The following SLC24A4 variants were observed in gnomAD, a reference collection of about 807,000 sequenced individuals.
The protein encoded by SLC24A4 is sodium/potassium/calcium exchanger 4.
Under a neutral mutation model 79.0 loss-of-function variants are expected in SLC24A4, and 53 were observed. The observed-to-expected ratio is 0.67, with a 90% CI of 0.54 to 0.84. The LOEUF (loss-of-function observed/expected upper bound fraction) is 0.84. Among genes scored for constraint, SLC24A4 ranks in the 40% least tolerant of loss-of-function variants. The probability of loss-of-function intolerance (pLI) is 0.00; values close to 1 mark genes in which losing one functional copy is unlikely to be tolerated. For synonymous variants in SLC24A4, 323 were observed against 323.8 expected (o/e 1.00, Z 0.03); for missense variants, 731 against 822.0 (o/e 0.89, Z 1.35).
chr14:92,362,262 C>T (rs955418775), intron 2 of SLC24A4, among the ~76,000 whole-genome samples: 27 of 151,952 alleles, frequency 1.8e-4, no homozygotes, highest in African/African-American at 5.3e-4. Context: ...TTTGGGGTCT[C>T]TGGAGAGCCT....
At chr14:92,372,979 CCCT>C (rs1888281220) in intron 2 of SLC24A4, among the ~76,000 whole-genome samples, 4 of 140,848 alleles carry the variant, frequency 2.8e-5, no homozygotes, top group African/African-American at 1.0e-4. Context: ...CTCCCCCCCT[CCCT>C]CTCCCTCTCT....
In SLC24A4 at chr14:92,492,216, G is replaced by C. The variant is rs975869396; in HGVS notation, c.1692G>C (p.Leu564=). Residue 564 remains leucine, a synonymous_variant, in exon 16 of 17, where the codon CTG becomes CTC. Coordinates refer to ENST00000532405, the MANE Select transcript of SLC24A4 (RefSeq NM_153646.4). ...GGGGGCTGGTCTATTCCGTGGTCCT[G>C]TTGCTGGGCTCTGTCGCTCTCACCG... is the stretch of plus-strand genomic sequence containing the variant. ...NSRGLVYSVV[L]LLGSVALTVL... is the part of the protein sequence containing the mutation. 1.2e-6 allele frequency: 2 copies of C among 1,614,064 alleles called. No individual in the cohort carries two copies. The highest frequency in any genetic ancestry group is 1.3e-5 in the African/African-American group (1 of 74,936).
At chr14:92,370,004 T>C (rs911100616) in intron 2 of SLC24A4, among the ~76,000 whole-genome samples, 1 of 152,206 alleles carries the variant, frequency 6.6e-6, no homozygotes, top group African/African-American at 2.4e-5. Context: ...ACAAAAGAAA[T>C]GTGTAATATA....
At chr14:92,467,840 A>G (rs77248792) in intron 12 of SLC24A4, among the ~76,000 whole-genome samples, 21,079 of 152,164 alleles carry the variant, frequency 0.14, 1,579 homozygotes, top group East Asian at 0.24. Context: ...TTTAAGAATA[A>G]GTTTACAGGG....
intron 8 of SLC24A4, 108 bp from the exon 9 acceptor site, chr14:92,447,262 CG>C (rs1892849016): frequency 1.1e-6 from 1 of 924,408 alleles, no homozygotes. Flanking sequence ...GCACTAGGGG[CG>C]GGGGAGGTAA....
intron 2 of SLC24A4, among the ~76,000 whole-genome samples, chr14:92,406,337 C>G (rs1325763951): frequency 6.6e-6 from 1 of 152,204 alleles, no homozygotes; most frequent in Non-Finnish European, 1.5e-5. Flanking sequence ...GGTGCACACT[C>G]TCTGTGAATC....
At chr14:92,365,209 A>G (rs1246469086) in intron 2 of SLC24A4, among the ~76,000 whole-genome samples, 4 of 152,204 alleles carry the variant, frequency 2.6e-5, no homozygotes, top group African/African-American at 4.8e-5. Flanking sequence ...GTTGGCTTAT[A>G]TTGCCTGGCA....
At chr14:92,388,015 G>A (rs1157384701) in intron 2 of SLC24A4, among the ~76,000 whole-genome samples, 2 of 152,228 alleles carry the variant, frequency 1.3e-5, no homozygotes, top group Non-Finnish European at 2.9e-5. Context: ...TGAGTGTGCA[G>A]ATGTCTGCTC....
intron 2 of SLC24A4, among the ~76,000 whole-genome samples, chr14:92,346,361 C>T (rs12889017): frequency 1.3e-5 from 2 of 152,162 alleles, no homozygotes; most frequent in Non-Finnish European, 2.9e-5. Context: ...TTCCCTACCT[C>T]TCAGGATGGC....
At chr14:92,476,451 A>ATT (rs35444332) in intron 12 of SLC24A4, among the ~76,000 whole-genome samples, 1 of 149,438 alleles carries the variant, frequency 6.7e-6, no homozygotes. Flanking sequence ...TAAGCAGCTG[A>ATT]TTTTTTTTTT....
intron 2 of SLC24A4, among the ~76,000 whole-genome samples, chr14:92,374,154 A>T (rs1390296717): frequency 6.6e-6 from 1 of 152,202 alleles, no homozygotes; most frequent in Non-Finnish European, 1.5e-5. Flanking sequence ...CAGGTCCTAG[A>T]GATCGAAGCA....
In SLC24A4 at chr14:92,490,118, G is replaced by A. The variant is rs1039000223; in HGVS notation, c.1538-1547G>A. Among the ~76,000 whole-genome samples the A allele has an allele frequency of 6.6e-6, 1 of 152,192 alleles. No individual in the cohort carries two copies. The highest frequency in any genetic ancestry group is 2.4e-5 in the African/African-American group (1 of 41,450). On this transcript the variant is annotated intron_variant, in intron 14 of 16. Transcript: ENST00000532405. The surrounding 1 kb of genome is among the most constrained non-coding windows in gnomAD (Gnocchi z 4.3). The stretch of plus-strand genomic sequence containing the variant: ...ATGCAACATGGGCGGGCTGGCAGTC[G>A]AACAGAGATGGGCCACCTGTGTGGG...
At chr14:92,405,202 G>A (rs1393540134) in intron 2 of SLC24A4, among the ~76,000 whole-genome samples, 1 of 152,172 alleles carries the variant, frequency 6.6e-6, no homozygotes, top group Non-Finnish European at 1.5e-5. Context: ...CAGGAGTGGT[G>A]TCTGCCCAGC....
intron 12 of SLC24A4, among the ~76,000 whole-genome samples, chr14:92,474,728 C>A (rs1280331212): frequency 2.6e-4 from 1 of 3,890 alleles, no homozygotes; most frequent in African/African-American, 3.5e-4. Flanking sequence ...TATACACACA[C>A]GTATATATAC....
At chr14:92,370,653 T>C (rs965200841) in intron 2 of SLC24A4, among the ~76,000 whole-genome samples, 2 of 152,024 alleles carry the variant, frequency 1.3e-5, no homozygotes, top group African/African-American at 4.8e-5. Context: ...AATAAGAATA[T>C]TCTAGAAAGA....
Position 92,447,928 on chromosome 14 carries a change from C to T in SLC24A4, c.737+504C>T, listed in dbSNP as rs562056017. The stretch of plus-strand genomic sequence containing the variant: ...TCAGGCTATGCCACCTTGAGCCCCT[C>T]GAGAAGCTACCCAGGTCAGAACCAT... On this transcript the variant is annotated intron_variant, in intron 9 of 16. Transcript: ENST00000532405. 2.1e-4 allele frequency among the ~76,000 whole-genome samples: 32 copies of T among 152,302 alleles called. No individual in the cohort carries two copies. In the South Asian group the frequency reaches 4.1e-3, roughly 20 times the overall value.
chr14:92,429,957 A>G (rs1403615851), intron 2 of SLC24A4, among the ~76,000 whole-genome samples: 2 of 151,904 alleles, frequency 1.3e-5, no homozygotes, highest in Non-Finnish European at 2.9e-5. Flanking sequence ...AACTTATTCT[A>G]CTCCACACCA....
Position 92,496,250 on chromosome 14 carries a change from C to T in SLC24A4, c.*2622C>T, listed in dbSNP as rs1483092402. On this transcript the variant is annotated 3_prime_UTR_variant, in exon 17 of 17. Transcript: ENST00000532405. ...CTATGCATTTATTAAATCTGGAAAA[C>T]TATATGTACACTGTAGGTGGAAAAT... 1 of 152,606 alleles carries T rather than the reference C, an allele frequency of 6.6e-6. No homozygotes were observed. Among genetic ancestry groups the T allele is most frequent in the East Asian group, 1.9e-4 (1 of 5,200 alleles). 9.5% of individuals were successfully genotyped at this position (152,606 alleles called of 1,614,324 possible). A position where few individuals can be genotyped will look rare whatever the true frequency, so the allele number is the denominator to read the frequency against.
chr14:92,488,372 G>C (rs564561810), intron 14 of SLC24A4, among the ~76,000 whole-genome samples: 1 of 152,054 alleles, frequency 6.6e-6, no homozygotes, highest in Non-Finnish European at 1.5e-5. Flanking sequence ...GCACCCAGCA[G>C]ACTTCCTCCT....
Sources: gnomAD v4.1 joint callset for allele counts (sites outside exome capture counted in the v4.1 genomes callset) on GRCh38, gnomAD v4.1.1 for gene constraint, Gnocchi (gnomAD v3.1) non-coding constraint, MANE v1.5 for transcripts, NCBI Gene and HGNC (gene_info 2026-07-23, HGNC 2026-07-21) for gene names.